Variants in RERG observed in about 807,000 individuals in gnomAD.
RERG encodes RAS like estrogen regulated growth inhibitor.
In RERG, 25 loss-of-function variants were observed where a neutral mutation model predicts 23.2. That is an observed-to-expected ratio of 1.08 (90% CI 0.79 to 1.50). RERG has a LOEUF of 1.50. Among genes scored for constraint, RERG ranks in the 40% most tolerant of loss-of-function variants. The pLI is 0.00. For missense variants in RERG, 253 were observed against 250.1 expected (o/e 1.01, Z -0.08); for synonymous variants, 81 against 89.1 (o/e 0.91, Z 0.51).
At chr12:15,133,463 G>A (rs1004850799) in intron 2 of RERG, among the ~76,000 whole-genome samples, 1 of 151,970 alleles carries the variant, frequency 6.6e-6, no homozygotes, top group African/African-American at 2.4e-5. Context: ...ATCGTCTGAT[G>A]TACCACAGTT....
intron 2 of RERG, among the ~76,000 whole-genome samples, chr12:15,148,206 G>A (rs911637183): frequency 6.6e-6 from 1 of 152,258 alleles, no homozygotes; most frequent in South Asian, 2.1e-4. Flanking sequence ...ATACAAGGCT[G>A]TATGTAGGTG....
rs535575942 is a variant in RERG at position 15,137,093 on chromosome 12, T to C, written c.62-15974A>G. Reference sequence around the variant, plus strand: ...CATTTTAATATATGGGCCTCTCTTTTTAGGCCCATATATATTAAATATTAC... The same window carrying C: ...CATTTTAATATATGGGCCTCTCTTTCTAGGCCCATATATATTAAATATTAC... On this transcript the variant is annotated intron_variant, in intron 2 of 4. Transcript: ENST00000256953. Among the ~76,000 whole-genome samples, 12 of 151,998 alleles carry C rather than the reference T, an allele frequency of 7.9e-5. No homozygotes were observed. In the East Asian group the frequency reaches 2.3e-3, roughly 29 times the overall value.
intron 2 of RERG, among the ~76,000 whole-genome samples, chr12:15,159,089 A>G (rs1037740657): frequency 2.6e-5 from 4 of 152,132 alleles, no homozygotes; most frequent in African/African-American, 9.7e-5. Flanking sequence ...TTCTACATTT[A>G]TTGGTTGATA....
intron 2 of RERG, among the ~76,000 whole-genome samples, chr12:15,208,434 G>A (rs1035417512): frequency 1.8e-4 from 27 of 152,202 alleles, no homozygotes; most frequent in African/African-American, 5.3e-4. Flanking sequence ...TAAAATATAT[G>A]ACCCTTGATA....
intron 2 of RERG, among the ~76,000 whole-genome samples, chr12:15,178,405 T>C (rs1256444089): frequency 6.6e-6 from 1 of 152,164 alleles, no homozygotes; most frequent in Non-Finnish European, 1.5e-5. Context: ...ATCTACACTA[T>C]GCAAAAGGTA....
At chr12:15,178,033 T>C (rs756182873) in intron 2 of RERG, among the ~76,000 whole-genome samples, 1 of 152,094 alleles carries the variant, frequency 6.6e-6, no homozygotes, top group Non-Finnish European at 1.5e-5. Context: ...CTTTCTCAAA[T>C]AGATTGAAAC....
At chr12:15,156,698 G>A (rs1220054024) in intron 2 of RERG, among the ~76,000 whole-genome samples, 1 of 152,090 alleles carries the variant, frequency 6.6e-6, no homozygotes, top group Admixed American at 6.6e-5. Flanking sequence ...AGAGCAGAAT[G>A]GTATTATCAT....
rs80041770 is a variant in RERG at position 15,146,874 on chromosome 12, C to T, written c.62-25755G>A. 1.2e-4 allele frequency among the ~76,000 whole-genome samples: 18 copies of T among 152,268 alleles called. No individual in the cohort carries two copies. In the South Asian group the frequency reaches 1.9e-3, roughly 16 times the overall value. The stretch of plus-strand genomic sequence containing the variant: ...GCATTGGATTGGAGAGCAGTACAAA[C>T]GCATGCAGATTAGCCTTAAGCACAT... On this transcript the variant is annotated intron_variant, in intron 2 of 4. Coordinates refer to ENST00000256953, the MANE Select transcript of RERG (RefSeq NM_032918.3).
Position 15,108,953 on chromosome 12 carries a change from C to T in RERG, c.*157G>A, listed in dbSNP as rs910902832. On this transcript the variant is annotated 3_prime_UTR_variant, in exon 5 of 5. Transcript: ENST00000256953. Reference sequence around the variant, plus strand: ...GTTAGCACTGAAATTGCATAAAACACGCTAAAACTTCCCAACCTATTAGAG... The same window carrying T: ...GTTAGCACTGAAATTGCATAAAACATGCTAAAACTTCCCAACCTATTAGAG... 1.6e-5 allele frequency: 11 copies of T among 688,656 alleles called. No homozygotes were observed. In the East Asian group the frequency reaches 2.4e-4, roughly 15 times the overall value. 42.7% of individuals were successfully genotyped at this position (688,656 alleles called of 1,614,324 possible). A position where few individuals can be genotyped will look rare whatever the true frequency, so the allele number is the denominator to read the frequency against.
At chr12:15,173,420 C>T (rs1490356541) in intron 2 of RERG, among the ~76,000 whole-genome samples, 1 of 151,832 alleles carries the variant, frequency 6.6e-6, no homozygotes, top group African/African-American at 2.4e-5. Context: ...CAAGTTTGTT[C>T]CTCTTTTTCA....
chr12:15,142,463 C>G (rs1591645078), intron 2 of RERG, among the ~76,000 whole-genome samples: 1 of 137,266 alleles, frequency 7.3e-6, no homozygotes, highest in Non-Finnish European at 1.6e-5. Flanking sequence ...TTATTTTGTT[C>G]TCTCTGTTTG....
At position 15,217,554 on chromosome 12, in the gene RERG, C is replaced by A; in HGVS notation, c.-65G>T. The A allele has an allele frequency of 8.6e-7, 1 of 1,159,656 alleles. No individual in the cohort carries two copies. The highest frequency in any genetic ancestry group is 1.3e-6 in the Non-Finnish European group (1 of 766,502). The allele number at this position is 1,159,656 out of a possible 1,614,324, so 71.8% of individuals were successfully genotyped here. A position where few individuals can be genotyped will look rare whatever the true frequency, so the allele number is the denominator to read the frequency against. On this transcript the variant is annotated 5_prime_UTR_variant, in exon 2 of 5. The change creates a premature stop within an existing upstream ORF in the 5' untranslated region. Transcript: ENST00000256953. ...AGCACTGAGTAAATCTTTTTGGTTC[C>A]AGTCTTTGGATTCACCATATCATTG...
At position 15,109,152 on chromosome 12, in the gene RERG, G is replaced by A; in HGVS notation, c.558C>T (p.Val186=). ...KTRRRSSTTH[V]KQAINKMLTK... is the part of the protein sequence containing the mutation. ...TGAGCATCTTGTTAATGGCTTGCTT[G>A]ACATGCGTGGTGGAGCTGCGTCGCC... Residue 186 remains valine (V), a synonymous_variant, in exon 5 of 5, where the codon GTC becomes GTT. Transcript: ENST00000256953. The A allele has an allele frequency of 6.2e-7, 1 of 1,603,080 alleles. No homozygotes were observed. The highest frequency in any genetic ancestry group is 8.5e-7 in the Non-Finnish European group (1 of 1,175,404).
At chr12:15,166,523 A>ATGGTGGTGGTGGTGGTGG (rs148048968) in intron 2 of RERG, among the ~76,000 whole-genome samples, 2 of 148,838 alleles carry the variant, frequency 1.3e-5, no homozygotes, top group Admixed American at 6.7e-5. Flanking sequence ...GATGGTGGTG[A>ATGGTGGTGGTGGTGGTGG]TGGTGGTGGT....
chr12:15,127,408 A>G (rs1208406010), intron 2 of RERG, among the ~76,000 whole-genome samples: 4 of 152,220 alleles, frequency 2.6e-5, no homozygotes, highest in East Asian at 3.8e-4. Flanking sequence ...CATGTTCTTT[A>G]AAGTGGAACT....
chr12:15,127,524 C>T (rs1276156486), intron 2 of RERG, among the ~76,000 whole-genome samples: 3 of 152,282 alleles, frequency 2.0e-5, no homozygotes, highest in South Asian at 2.1e-4. Flanking sequence ...CTCTTACTCT[C>T]CTAGGCCAGA....
intron 2 of RERG, among the ~76,000 whole-genome samples, chr12:15,165,535 T>C (rs1245118219): frequency 6.6e-6 from 1 of 152,114 alleles, no homozygotes; most frequent in African/African-American, 2.4e-5. Flanking sequence ...CTTGGGCAAG[T>C]TGTTTAGGTG....
At chr12:15,206,256 C>T (rs1421893105) in intron 2 of RERG, among the ~76,000 whole-genome samples, 1 of 152,072 alleles carries the variant, frequency 6.6e-6, no homozygotes, top group Non-Finnish European at 1.5e-5. Context: ...TAAGGAACCA[C>T]AGGAAGGCTT....
intron 2 of RERG, among the ~76,000 whole-genome samples, chr12:15,160,058 T>C (rs1864581679): frequency 6.6e-6 from 1 of 152,106 alleles, no homozygotes; most frequent in African/African-American, 2.4e-5. Context: ...TATAACAAAT[T>C]TCTACTTGTA....
Sources: gnomAD v4.1 joint callset for allele counts (sites outside exome capture counted in the v4.1 genomes callset) on GRCh38, gnomAD v4.1.1 for gene constraint, MANE v1.5 for transcripts, NCBI Gene and HGNC (gene_info 2026-07-23, HGNC 2026-07-21) for gene names.